NSMCE2: variants seen among roughly 807,000 people sequenced by gnomAD.
NSMCE2 encodes NSE2 SUMO ligase component of SMC5/6 complex.
In NSMCE2, 24 loss-of-function variants were observed where a neutral mutation model predicts 23.8. That is an observed-to-expected ratio of 1.01 (90% CI 0.73 to 1.42). The LOEUF (loss-of-function observed/expected upper bound fraction) is 1.42. NSMCE2 is among the 40% of genes most tolerant of loss of function. NSMCE2 has a pLI of 0.00. For synonymous variants in NSMCE2, 92 were observed against 94.1 expected, an observed-to-expected ratio of 0.98 and a Z score of 0.13; for missense variants, 284 against 296.5, an observed-to-expected ratio of 0.96 and a Z score of 0.31.
At chr8:125,313,436 G>A (rs527419963) in intron 5 of NSMCE2, among the ~76,000 whole-genome samples, 6 of 152,224 alleles carry the variant, frequency 3.9e-5, no homozygotes, top group South Asian at 2.1e-4. Context: ...AAAATGGCAC[G>A]TGGAAAACAC....
intron 5 of NSMCE2, among the ~76,000 whole-genome samples, chr8:125,350,122 G>C (rs1222924483): frequency 6.6e-6 from 1 of 152,204 alleles, no homozygotes; most frequent in Non-Finnish European, 1.5e-5. Context: ...CCGTGAGCAA[G>C]AGAATGAAGG....
intron 5 of NSMCE2, among the ~76,000 whole-genome samples, chr8:125,349,983 ATATGT>A (rs1812965602): frequency 6.6e-6 from 1 of 152,204 alleles, no homozygotes; most frequent in Admixed American, 6.5e-5. Flanking sequence ...CGTCTGCTAA[ATATGT>A]TAAGTGTAAT....
At position 125,231,790 on chromosome 8, in the gene NSMCE2, A is replaced by C. The variant is rs191020586; in HGVS notation, c.418+49534A>C. Among the ~76,000 whole-genome samples the C allele has an allele frequency of 2.0e-4, 30 of 152,336 alleles. 1 individual carries two copies. The Middle Eastern group carries it at 0.02, about 104-fold the overall frequency. On this transcript the variant is annotated intron_variant, in intron 5 of 7. Coordinates refer to ENST00000287437, the MANE Select transcript of NSMCE2 (RefSeq NM_173685.4). ...AACACTTAACTGTAGCATGGATGAC[A>C]TCATCAGGTAGTTATCAGTTTATAA...
intron 5 of NSMCE2, among the ~76,000 whole-genome samples, chr8:125,310,441 A>C (rs936794713): frequency 6.6e-6 from 1 of 152,216 alleles, no homozygotes; most frequent in African/African-American, 2.4e-5. Flanking sequence ...TGAGTGCCCA[A>C]TCAATTGTAG....
At chr8:125,259,809 G>A (rs1168353571) in intron 5 of NSMCE2, among the ~76,000 whole-genome samples, 1 of 152,172 alleles carries the variant, frequency 6.6e-6, no homozygotes, top group East Asian at 1.9e-4. Context: ...TCATAGGTCA[G>A]AAAGCCTGAA....
Position 125,176,598 on chromosome 8 carries a change from A to G in NSMCE2, c.265-5505A>G, listed in dbSNP as rs1822506174. Among the ~76,000 whole-genome samples the G allele has an allele frequency of 2.0e-5, 3 of 152,284 alleles. No individual in the cohort carries two copies. The South Asian group carries it at 6.2e-4, about 32-fold the overall frequency. On this transcript the variant is annotated intron_variant, in intron 4 of 7. Coordinates refer to ENST00000287437, the MANE Select transcript of NSMCE2 (RefSeq NM_173685.4). ...GAGCTATAGACCTGTGTATTCAGCA[A>G]CACTGGAGATATGTATAGATAGATA...
At chr8:125,266,707 G>A (rs914391983) in intron 5 of NSMCE2, among the ~76,000 whole-genome samples, 19 of 152,194 alleles carry the variant, frequency 1.2e-4, no homozygotes, top group African/African-American at 4.6e-4. Context: ...TGTTGGGGAT[G>A]AATAGCAAAA....
intron 5 of NSMCE2, among the ~76,000 whole-genome samples, chr8:125,222,505 C>T (rs984448812): frequency 6.6e-6 from 1 of 152,144 alleles, no homozygotes; most frequent in Non-Finnish European, 1.5e-5. Flanking sequence ...GCCAACATCT[C>T]CACATTTTCC....
intron 7 of NSMCE2, among the ~76,000 whole-genome samples, chr8:125,358,724 G>A (rs905558315): frequency 1.3e-5 from 2 of 152,112 alleles, no homozygotes; most frequent in African/African-American, 4.8e-5. Context: ...CCTTTGATGT[G>A]TGGCTTGCTT....
chr8:125,348,568 G>T (rs1162177665), intron 5 of NSMCE2: 1 of 152,090 alleles, frequency 6.6e-6, no homozygotes, highest in Admixed American at 6.5e-5. Context: ...GTTGTGAGAG[G>T]GCCCCAGTGG....
At chr8:125,166,302 C>G (rs7814242) in intron 4 of NSMCE2, among the ~76,000 whole-genome samples, 4,748 of 152,226 alleles carry the variant, frequency 0.031, 244 homozygotes, top group African/African-American at 0.11. Flanking sequence ...GAGTCTCGCT[C>G]TGTCACCAGG....
At chr8:125,161,177 T>C (rs930007579) in intron 4 of NSMCE2, among the ~76,000 whole-genome samples, 2 of 152,232 alleles carry the variant, frequency 1.3e-5, no homozygotes, top group African/African-American at 2.4e-5. Flanking sequence ...TTCTTTCCAT[T>C]GTTTCTCTCT....
At chr8:125,292,725 C>G (rs1351445414) in intron 5 of NSMCE2, among the ~76,000 whole-genome samples, 1 of 152,170 alleles carries the variant, frequency 6.6e-6, no homozygotes, top group Non-Finnish European at 1.5e-5. Context: ...ACATGTGATT[C>G]CCTGGTTCTG....
At chr8:125,118,818 G>T (rs898120554) in intron 3 of NSMCE2, among the ~76,000 whole-genome samples, 2 of 152,084 alleles carry the variant, frequency 1.3e-5, no homozygotes, top group African/African-American at 4.8e-5. Flanking sequence ...AGTTGTGTGG[G>T]TTAATCAGTT....
chr8:125,204,023 C>T (rs1185933539), intron 5 of NSMCE2, among the ~76,000 whole-genome samples: 6 of 152,152 alleles, frequency 3.9e-5, no homozygotes, highest in African/African-American at 1.2e-4. Context: ...AGATGCTTGT[C>T]TGTCTTAATC....
At chr8:125,098,630 AG>A (rs1338621561) in intron 1 of NSMCE2, among the ~76,000 whole-genome samples, 1 of 152,038 alleles carries the variant, frequency 6.6e-6, no homozygotes, top group Non-Finnish European at 1.5e-5. Context: ...TGGATTCTGG[AG>A]ATAGTTTGAC....
chr8:125,223,062 AAAAAT>A (rs541200115), intron 5 of NSMCE2, among the ~76,000 whole-genome samples: 263 of 151,782 alleles, frequency 1.7e-3, no homozygotes, highest in African/African-American at 5.5e-3. Context: ...ACCCTGTCTC[AAAAAT>A]AAAATAAAAT....
chr8:125,239,348 C>T (rs936095485), intron 5 of NSMCE2, among the ~76,000 whole-genome samples: 2 of 152,162 alleles, frequency 1.3e-5, no homozygotes, highest in African/African-American at 2.4e-5. Context: ...GTGGATCACT[C>T]CTGTAATCCC....
At position 125,170,376 on chromosome 8, in the gene NSMCE2, CT is replaced by C. The variant is rs565593006; in HGVS notation, c.265-11688del. ...CATCAATAAACCTTACTCTTTATTT[CT>C]TTTTTTTTTTTTTTTTTTTTTTTTT... On this transcript the variant is annotated intron_variant, in intron 4 of 7. Coordinates refer to ENST00000287437, the MANE Select transcript of NSMCE2 (RefSeq NM_173685.4). Among the ~76,000 whole-genome samples, 363 of 37,784 alleles carry C rather than the reference CT, an allele frequency of 9.6e-3. 3 individuals carry two copies. Among genetic ancestry groups the C allele is most frequent in the Non-Finnish European group, 0.015 (277 of 19,000 alleles). The allele number at this position is 37,784 out of a possible 152,430, so 24.8% of individuals were successfully genotyped here.
Sources: allele counts gnomAD v4.1 joint callset (sites outside exome capture counted in the v4.1 genomes callset), GRCh38; gene constraint gnomAD v4.1.1; transcripts MANE v1.5; gene names NCBI Gene and HGNC (gene_info 2026-07-23, HGNC 2026-07-21).